PLAC1: variants seen among roughly 807,000 people sequenced by gnomAD.
PLAC1 encodes the protein placenta associated 1, also known as placenta-specific protein 1.
For missense variants in PLAC1, 136 were observed against 163.2 expected (o/e 0.83, Z 0.91); for synonymous variants, 68 against 62.1 (o/e 1.09, Z -0.44).
chrX:134,650,417 C>T (rs752882766), intron 1 of PLAC1, among the ~76,000 whole-genome samples: 8 of 111,121 alleles, frequency 7.2e-5, no homozygotes, highest in Non-Finnish European at 1.3e-4. Flanking sequence ...AATCTGGAGC[C>T]TTTTATTACA....
intron 1 of PLAC1, among the ~76,000 whole-genome samples, chrX:134,755,949 T>C (rs1253382879): frequency 9.7e-6 from 1 of 103,283 alleles, no homozygotes; most frequent in African/African-American, 3.6e-5. Context: ...GCTCCCGGGT[T>C]CAAGTGATTC....
At chrX:134,680,604 T>TA (rs145536201) in intron 2 of PLAC1, among the ~76,000 whole-genome samples, 2 of 102,631 alleles carry the variant, frequency 1.9e-5, no homozygotes, top group East Asian at 6.0e-4. Context: ...TAAACTAAAC[T>TA]AAACACCTTC....
At chrX:134,680,701 C>A (rs892525419) in intron 2 of PLAC1, among the ~76,000 whole-genome samples, 2 of 111,997 alleles carry the variant, frequency 1.8e-5, no homozygotes, top group African/African-American at 6.5e-5. Context: ...ATATGTGGTG[C>A]ATTCGCTGCA....
intron 2 of PLAC1, among the ~76,000 whole-genome samples, chrX:134,586,934 T>A (rs1217883413): frequency 9.5e-6 from 1 of 105,685 alleles, no homozygotes; most frequent in Non-Finnish European, 1.9e-5. Flanking sequence ...TGACCTCAAG[T>A]GACCTGCCCG....
chrX:134,694,325 A>G (rs1056475601), intron 2 of PLAC1, among the ~76,000 whole-genome samples: 1 of 112,138 alleles, frequency 8.9e-6, no homozygotes, highest in African/African-American at 3.2e-5. Flanking sequence ...CAAGCTCCCT[A>G]GAAGATGGAA....
intron 1 of PLAC1, among the ~76,000 whole-genome samples, chrX:134,752,328 A>G: frequency 9.0e-6 from 1 of 111,602 alleles, no homozygotes; most frequent in Non-Finnish European, 1.9e-5. Context: ...TATAGATTAA[A>G]ATGAAAAACC....
chrX:134,644,675 T>C (rs997723308), intron 1 of PLAC1, among the ~76,000 whole-genome samples: 1 of 109,875 alleles, frequency 9.1e-6, no homozygotes, highest in Non-Finnish European at 1.9e-5. Context: ...GTCCCACTTA[T>C]AAGCAAGAAC....
intron 2 of PLAC1, among the ~76,000 whole-genome samples, chrX:134,708,781 G>A (rs1413085432): frequency 2.7e-5 from 3 of 111,027 alleles, no homozygotes; most frequent in Non-Finnish European, 3.8e-5. Flanking sequence ...CAGGTGATCC[G>A]CCCACGTCGG....
chrX:134,687,479 C>T (rs1299247986), intron 2 of PLAC1, among the ~76,000 whole-genome samples: 1 of 109,777 alleles, frequency 9.1e-6, no homozygotes, highest in African/African-American at 3.3e-5. Context: ...CAATGTGGCC[C>T]AGGGAAGCCA....
At chrX:134,575,864 T>A (rs2077936314) in intron 2 of PLAC1, among the ~76,000 whole-genome samples, 1 of 109,748 alleles carries the variant, frequency 9.1e-6, no homozygotes, top group South Asian at 3.8e-4. Flanking sequence ...GTTAAACTTG[T>A]GTTCATCATT....
chrX:134,693,524 T>C (rs2078551299), intron 2 of PLAC1, among the ~76,000 whole-genome samples: 1 of 111,848 alleles, frequency 8.9e-6, no homozygotes, highest in Non-Finnish European at 1.9e-5. Context: ...AGTGAGGAAA[T>C]GAAGGCTCAG....
intron 2 of PLAC1, among the ~76,000 whole-genome samples, chrX:134,699,943 C>A (rs1275457026): frequency 6.3e-5 from 7 of 111,820 alleles, no homozygotes. Flanking sequence ...TCACAGAGTC[C>A]TTTCTATTTC....
chrX:134,705,879 G>A (rs759127142), intron 2 of PLAC1, among the ~76,000 whole-genome samples: 16 of 112,182 alleles, frequency 1.4e-4, no homozygotes, highest in Non-Finnish European at 2.4e-4. Flanking sequence ...TTTCTGCCAA[G>A]TACGGCTAAA....
At chrX:134,576,403 G>A (rs967644756) in intron 2 of PLAC1, among the ~76,000 whole-genome samples, 6 of 108,928 alleles carry the variant, frequency 5.5e-5, no homozygotes, top group African/African-American at 2.0e-4. Flanking sequence ...TAGACATGGT[G>A]GCACATGCCT....
intron 2 of PLAC1, among the ~76,000 whole-genome samples, chrX:134,695,538 T>G (rs984168387): frequency 4.5e-5 from 5 of 112,027 alleles, no homozygotes; most frequent in African/African-American, 1.3e-4. Flanking sequence ...TCTGTCTGTA[T>G]CTACAGACTG....
In PLAC1 at chrX:134,566,458, G is replaced by A. The variant is rs369636575; in HGVS notation, c.225C>T (p.Tyr75=). Residue 75 remains tyrosine, a synonymous_variant, in exon 3 of 3, where the codon TAC becomes TAT. Coordinates refer to ENST00000359237, the MANE Select transcript of PLAC1 (RefSeq NM_021796.4). ...HVQPHAYQFT[Y]RVTECGIRAK... is the part of the protein sequence containing the mutation. ...CCCTGATGCCACATTCAGTAACACGGTAGGTGAACTGGTAGGCGTGTGGCT... is the reference window on the plus strand; with the variant it reads ...CCCTGATGCCACATTCAGTAACACGATAGGTGAACTGGTAGGCGTGTGGCT... 2.6e-5 allele frequency: 32 copies of A among 1,210,226 alleles called. No homozygotes were observed. The highest frequency in any genetic ancestry group is 2.9e-5 in the Non-Finnish European group (26 of 895,137).
chrX:134,741,531 C>T lies in PLAC1; in HGVS notation n.90-8012G>A, dbSNP rs187693378. Among the ~76,000 whole-genome samples the T allele has an allele frequency of 5.2e-4, 58 of 110,794 alleles. 1 individual carries two copies. Among genetic ancestry groups the T allele is most frequent in the Admixed American group, 5.2e-3 (54 of 10,409 alleles). On this transcript the variant is annotated intron_variant and non_coding_transcript_variant, in intron 1 of 2. Coordinates refer to the PLAC1 transcript ENST00000466797. The stretch of plus-strand genomic sequence containing the variant: ...CGAGGAGGGAGAGAGTAACAACACC[C>T]TATTTTTGCTAAAAGCAGTTCAACT...
chrX:134,746,977 G>A (rs2078730554), intron 1 of PLAC1, among the ~76,000 whole-genome samples: 1 of 112,130 alleles, frequency 8.9e-6, no homozygotes, highest in Non-Finnish European at 1.9e-5. Flanking sequence ...AAGGGATACA[G>A]GCCACATGCT....
At chrX:134,675,057 T>A (rs1260240041) in intron 2 of PLAC1, among the ~76,000 whole-genome samples, 2 of 112,383 alleles carry the variant, frequency 1.8e-5, no homozygotes, top group East Asian at 2.8e-4. Context: ...AGAACAGTGA[T>A]CCATGTGAGG....
Sources: gnomAD v4.1 joint callset for allele counts (sites outside exome capture counted in the v4.1 genomes callset) on GRCh38, gnomAD v4.1.1 for gene constraint, MANE v1.5 for transcripts, NCBI Gene and HGNC (gene_info 2026-07-23, HGNC 2026-07-21) for gene names.